PTPRD: variants seen among roughly 807,000 people sequenced by gnomAD.
The protein encoded by PTPRD is protein tyrosine phosphatase receptor type D, also known as receptor-type tyrosine-protein phosphatase delta.
A neutral mutation model predicts 214.5 loss-of-function variants in PTPRD; 34 were observed. That is an observed-to-expected ratio of 0.16 (90% CI 0.12 to 0.21). The LOEUF is 0.21. PTPRD is among the 10% of genes least tolerant of loss of function. The probability of loss-of-function intolerance (pLI) is 1.00; values close to 1 mark genes in which losing one functional copy is unlikely to be tolerated. For missense variants in PTPRD, 2,545 were observed against 2,398.7 expected (o/e 1.06, Z -1.27); for synonymous variants, 1,128 against 845.7 (o/e 1.33, Z -5.79).
At chr9:10,388,139 G>T (rs532027170) in intron 2 of PTPRD, among the ~76,000 whole-genome samples, 1 of 151,626 alleles carries the variant, frequency 6.6e-6, no homozygotes, top group South Asian at 2.1e-4. Context: ...GGATTAAAAG[G>T]GAAAATGGAA....
intron 5 of PTPRD, among the ~76,000 whole-genome samples, chr9:9,811,876 G>C (rs1403443884): frequency 6.6e-6 from 1 of 152,130 alleles, no homozygotes; most frequent in Non-Finnish European, 1.5e-5. Context: ...TCCTATTGTG[G>C]ATAAAATTCT....
At chr9:9,641,736 G>A (rs999383575) in intron 7 of PTPRD, among the ~76,000 whole-genome samples, 2 of 152,130 alleles carry the variant, frequency 1.3e-5, no homozygotes, top group African/African-American at 4.8e-5. Flanking sequence ...GTCTAACTGT[G>A]GGTCTGAAGA....
chr9:9,503,726 A>G (rs1158867416), intron 8 of PTPRD, among the ~76,000 whole-genome samples: 2 of 151,762 alleles, frequency 1.3e-5, no homozygotes, highest in African/African-American at 4.8e-5. Flanking sequence ...GTAAATATAT[A>G]AAGCCAGGAG....
At chr9:10,076,773 C>T (rs925948273) in intron 3 of PTPRD, among the ~76,000 whole-genome samples, 2 of 152,104 alleles carry the variant, frequency 1.3e-5, no homozygotes, top group Non-Finnish European at 2.9e-5. Context: ...GAGAAAATCA[C>T]GCTGACATGC....
At position 10,062,753 on chromosome 9, in the gene PTPRD, T is replaced by G. The variant is rs1398893175; in HGVS notation, c.-544-28963A>C. ...ATTTCAACATCTTTCACATTTTTTT[T>G]CCCCTGAAAATCTATGTAACTCATG... On this transcript the variant is annotated intron_variant, in intron 3 of 45. Coordinates refer to ENST00000381196, the MANE Select transcript of PTPRD (RefSeq NM_002839.4). Among the ~76,000 whole-genome samples, 5 of 152,006 alleles carry G rather than the reference T, an allele frequency of 3.3e-5. No individual in the cohort carries two copies. The East Asian group carries it at 9.7e-4, about 29-fold the overall frequency.
At chr9:8,571,630 A>C (rs150009730) in intron 14 of PTPRD, among the ~76,000 whole-genome samples, 65 of 152,306 alleles carry the variant, frequency 4.3e-4, no homozygotes, top group African/African-American at 1.5e-3. Flanking sequence ...AAGCCATATT[A>C]GAATTTATCC....
Position 8,996,189 on chromosome 9 carries a change from T to C in PTPRD, c.-104+22508A>G, listed in dbSNP as rs1008659804. On this transcript the variant is annotated intron_variant, in intron 11 of 45. Transcript: ENST00000381196. The stretch of plus-strand genomic sequence containing the variant: ...AAATGACTACAGCAACTTTAATTCA[T>C]AATCACTCCAAACTGTAAACAATCC... 9.9e-5 allele frequency among the ~76,000 whole-genome samples: 15 copies of C among 152,224 alleles called. No homozygotes were observed. In the East Asian group the frequency reaches 2.9e-3, roughly 29 times the overall value.
chr9:9,749,000 C>T (rs1249688312), intron 6 of PTPRD, among the ~76,000 whole-genome samples: 3 of 150,290 alleles, frequency 2.0e-5, no homozygotes, highest in South Asian at 2.1e-4. Context: ...GCTAACAGAA[C>T]CAATACCTGC....
At chr9:8,481,161 A>AAAAC (rs2096876656) in intron 30 of PTPRD, among the ~76,000 whole-genome samples, 1 of 151,254 alleles carries the variant, frequency 6.6e-6, no homozygotes, top group Admixed American at 6.6e-5. Flanking sequence ...AAAAAAAAAA[A>AAAAC]AAAAATAAGA....
chr9:8,777,314 C>G (rs1029631253), intron 11 of PTPRD, among the ~76,000 whole-genome samples: 2 of 151,750 alleles, frequency 1.3e-5, no homozygotes, highest in Admixed American at 6.6e-5. Flanking sequence ...GAGGTATTAC[C>G]CAACTGGTTG....
At chr9:8,945,772 A>C (rs10977391) in intron 11 of PTPRD, among the ~76,000 whole-genome samples, 20,742 of 152,110 alleles carry the variant, frequency 0.14, 1,570 homozygotes, top group South Asian at 0.23. Context: ...TTGGATATAC[A>C]GTCCCATCTA....
At chr9:8,660,770 T>C (rs2097026602) in intron 12 of PTPRD, among the ~76,000 whole-genome samples, 1 of 152,180 alleles carries the variant, frequency 6.6e-6, no homozygotes, top group African/African-American at 2.4e-5. Context: ...AGGTTTTATA[T>C]ACAAGGACTC....
chr9:9,905,784 A>T (rs2077421989), intron 5 of PTPRD, among the ~76,000 whole-genome samples: 1 of 152,030 alleles, frequency 6.6e-6, no homozygotes, highest in East Asian at 1.9e-4. Context: ...GAATATAGAC[A>T]TTACTATAGT....
chr9:8,437,312 T>C, intron 34 of PTPRD: 1 of 1,208,770 alleles, frequency 8.3e-7, no homozygotes, highest in Non-Finnish European at 1.1e-6. Flanking sequence ...ATGGAAAGCC[T>C]GATATATTTT....
intron 7 of PTPRD, among the ~76,000 whole-genome samples, chr9:9,717,809 A>G (rs2097859883): frequency 6.6e-6 from 1 of 152,192 alleles, no homozygotes; most frequent in African/African-American, 2.4e-5. Context: ...CCATTTATAA[A>G]AATAATATGG....
chr9:8,812,097 T>C (rs1321471535), intron 11 of PTPRD, among the ~76,000 whole-genome samples: 2 of 152,162 alleles, frequency 1.3e-5, no homozygotes, highest in African/African-American at 2.4e-5. Flanking sequence ...ATCCTACATA[T>C]GGCACAAACA....
At chr9:10,591,041 A>G (rs1027761865) in intron 2 of PTPRD, among the ~76,000 whole-genome samples, 8 of 151,946 alleles carry the variant, frequency 5.3e-5, no homozygotes, top group Non-Finnish European at 1.0e-4. Context: ...TGAGGGAAGG[A>G]CTACTTACAA....
chr9:9,004,251 A>G (rs1457792857), intron 11 of PTPRD, among the ~76,000 whole-genome samples: 1 of 152,016 alleles, frequency 6.6e-6, no homozygotes, highest in Non-Finnish European at 1.5e-5. Context: ...CTCATTTTAA[A>G]TTTTAAGAAT....
At chr9:10,362,423 C>T (rs976882445) in intron 2 of PTPRD, among the ~76,000 whole-genome samples, 3 of 150,134 alleles carry the variant, frequency 2.0e-5, no homozygotes, top group Non-Finnish European at 3.0e-5. Context: ...TCAAAAGGAA[C>T]TGAGCAATGA....
Sources: allele counts gnomAD v4.1 joint callset (sites outside exome capture counted in the v4.1 genomes callset), GRCh38; gene constraint gnomAD v4.1.1; transcripts MANE v1.5; gene names NCBI Gene and HGNC (gene_info 2026-07-23, HGNC 2026-07-21).